The following TNIK variants were observed in gnomAD, a reference collection of about 807,000 sequenced individuals.
TNIK encodes TRAF2 and NCK interacting kinase, also known as TRAF2 and NCK-interacting protein kinase.
A neutral mutation model predicts 191.3 loss-of-function variants in TNIK; 49 were observed. The observed-to-expected ratio is 0.26, with a 90% CI of 0.20 to 0.32. TNIK has a LOEUF of 0.32. Ranked by LOEUF, TNIK falls within the 10% of genes least tolerant of loss-of-function variation. TNIK has a pLI of 1.00. For synonymous variants in TNIK, 594 were observed against 600.9 expected, an observed-to-expected ratio of 0.99 and a Z score of 0.17; for missense variants, 1,155 against 1,702.3, an observed-to-expected ratio of 0.68 and a Z score of 5.66.
chr3:171,312,785 C>T (rs764999157), intron 2 of TNIK, among the ~76,000 whole-genome samples: 2 of 152,120 alleles, frequency 1.3e-5, no homozygotes, highest in Admixed American at 1.3e-4. Context: ...CTGTGTGTCT[C>T]TGACAATATT....
chr3:171,068,749 AGT>A lies in TNIK; in HGVS notation c.3699+97_3699+98del, dbSNP rs748578790. 7.6e-4 allele frequency: 923 copies of A among 1,221,150 alleles called. 2 individuals are homozygous for A. The highest frequency in any genetic ancestry group is 8.9e-4 in the Non-Finnish European group (829 of 930,692). 75.6% of individuals were successfully genotyped at this position (1,221,150 alleles called of 1,614,324 possible). On this transcript the variant is annotated intron_variant, in intron 30 of 32. Coordinates refer to ENST00000436636, the MANE Select transcript of TNIK (RefSeq NM_015028.4). ...CGAAAGTCCATTTGCTGGTTAGTAAAGTGTGCATGACTTCTACTAAAACTATG... is the reference window on the plus strand; with the variant it reads ...CGAAAGTCCATTTGCTGGTTAGTAAAGTGCATGACTTCTACTAAAACTATG...
At chr3:171,091,822 G>T (rs1022181330) in intron 23 of TNIK, among the ~76,000 whole-genome samples, 6 of 152,090 alleles carry the variant, frequency 3.9e-5, no homozygotes, top group African/African-American at 1.2e-4. Flanking sequence ...AACTAATACA[G>T]TTTGTTATTT....
Position 171,107,213 on chromosome 3 carries a change from TGA to T in TNIK, c.2383-9_2383-8del, listed in dbSNP as rs1725038634. On this transcript the variant is annotated splice_polypyrimidine_tract_variant and splice_region_variant and intron_variant, in intron 20 of 32. Coordinates refer to ENST00000436636, the MANE Select transcript of TNIK (RefSeq NM_015028.4). ...CTATAGCTTTTTTGTAGCTCTGAAATGAGAGGAACCCAATCCAGAAGAATCCA... is the reference window on the plus strand; with the variant it reads ...CTATAGCTTTTTTGTAGCTCTGAAATGAGGAACCCAATCCAGAAGAATCCA... 2 of 1,611,354 alleles carry T rather than the reference TGA, an allele frequency of 1.2e-6. No individual in the cohort carries two copies. Among genetic ancestry groups the T allele is most frequent in the Non-Finnish European group, 1.7e-6 (2 of 1,179,018 alleles).
Position 171,060,478 on chromosome 3 carries a change from C to G in TNIK, c.*3403G>C, listed in dbSNP as rs1172409674. On this transcript the variant is annotated 3_prime_UTR_variant, in exon 33 of 33. Coordinates refer to ENST00000436636, the MANE Select transcript of TNIK (RefSeq NM_015028.4). Reference sequence around the variant, plus strand: ...GTCAAAGTGTTAGAAAAATGGAGCCCCTGTCCAGGTGACCTTGTGAGATTT... The same window carrying G: ...GTCAAAGTGTTAGAAAAATGGAGCCGCTGTCCAGGTGACCTTGTGAGATTT... 6.6e-6 allele frequency among the ~76,000 whole-genome samples: 1 copy of G among 152,092 alleles called. No individual in the cohort carries two copies. Among genetic ancestry groups the G allele is most frequent in the African/African-American group, 2.4e-5 (1 of 41,424 alleles).
chr3:171,104,432 T>A (rs1300855545), intron 21 of TNIK, among the ~76,000 whole-genome samples: 2 of 147,536 alleles, frequency 1.4e-5, no homozygotes, highest in Non-Finnish European at 3.1e-5. Flanking sequence ...AAAAACAAAA[T>A]AAGTGCTATT....
intron 15 of TNIK, among the ~76,000 whole-genome samples, chr3:171,137,735 T>C (rs967096314): frequency 6.6e-6 from 1 of 152,186 alleles, no homozygotes; most frequent in East Asian, 1.9e-4. Context: ...CTGCTGGTAG[T>C]ATCACAGTGA....
chr3:171,128,968 A>C (rs1728883187), intron 15 of TNIK, 90 bp from the exon 16 acceptor site: 1 of 1,438,906 alleles, frequency 6.9e-7, no homozygotes. Flanking sequence ...AGTCACCTGC[A>C]CAGCCATTTG....
intron 2 of TNIK, among the ~76,000 whole-genome samples, chr3:171,316,248 G>A (rs553775528): frequency 3.9e-5 from 6 of 152,160 alleles, no homozygotes; most frequent in South Asian, 2.1e-4. Context: ...AGAAATAATC[G>A]TTGAATGAAT....
intron 2 of TNIK, among the ~76,000 whole-genome samples, chr3:171,357,849 C>G (rs1714356125): frequency 6.6e-6 from 1 of 152,162 alleles, no homozygotes; most frequent in Admixed American, 6.5e-5. Flanking sequence ...CCGCAATGTG[C>G]TACCATAGAT....
intron 2 of TNIK, among the ~76,000 whole-genome samples, chr3:171,288,439 T>G (rs1371567364): frequency 2.0e-5 from 3 of 152,092 alleles, no homozygotes; most frequent in Admixed American, 1.3e-4. Context: ...TACATTGGTG[T>G]TGTACTATCC....
At chr3:171,200,703 TGTG>T (rs1039771544) in intron 4 of TNIK, among the ~76,000 whole-genome samples, 10 of 152,328 alleles carry the variant, frequency 6.6e-5, no homozygotes, top group Admixed American at 5.2e-4. Flanking sequence ...AATCACCAGA[TGTG>T]GTGGCTTCTA....
Position 171,138,849 on chromosome 3 carries a change from A to G in TNIK, c.1420-470T>C, listed in dbSNP as rs73039337. Reference sequence around the variant, plus strand: ...AATAAAACTTGGACCTACAAAGGCCATTAGCAAGCTTATGTACAGGCTAAA... The same window carrying G: ...AATAAAACTTGGACCTACAAAGGCCGTTAGCAAGCTTATGTACAGGCTAAA... On this transcript the variant is annotated intron_variant, in intron 14 of 32. Coordinates refer to ENST00000436636, the MANE Select transcript of TNIK (RefSeq NM_015028.4). Among the ~76,000 whole-genome samples, 1,244 of 152,340 alleles carry G rather than the reference A, an allele frequency of 8.2e-3. 26 individuals carry two copies. Among genetic ancestry groups the G allele is most frequent in the African/African-American group, 0.029 (1,188 of 41,580 alleles).
At chr3:171,208,348 T>G (rs1014829387) in intron 4 of TNIK, among the ~76,000 whole-genome samples, 1 of 150,456 alleles carries the variant, frequency 6.6e-6, no homozygotes, top group Admixed American at 6.6e-5. Flanking sequence ...AGAGAAAGAT[T>G]AGAGAAAAAA....
intron 2 of TNIK, among the ~76,000 whole-genome samples, chr3:171,251,050 G>A (rs1373817809): frequency 6.6e-6 from 1 of 152,172 alleles, no homozygotes; most frequent in Admixed American, 6.5e-5. Context: ...AACAGCAGAA[G>A]GAAAACCAGA....
At chr3:171,449,167 G>A (rs535499266) in intron 1 of TNIK, among the ~76,000 whole-genome samples, 65 of 152,024 alleles carry the variant, frequency 4.3e-4, no homozygotes, top group African/African-American at 1.4e-3. Context: ...GGGCATTTGG[G>A]TTGGTTCCAA....
chr3:171,083,978 C>T (rs886876603), intron 26 of TNIK, among the ~76,000 whole-genome samples, 177 bp downstream of exon 26: 3 of 152,144 alleles, frequency 2.0e-5, no homozygotes, highest in Non-Finnish European at 2.9e-5. Flanking sequence ...GCTATTTCTA[C>T]ATATAAAACT....
chr3:171,137,503 G>A (rs567175832), intron 15 of TNIK, among the ~76,000 whole-genome samples: 3 of 152,232 alleles, frequency 2.0e-5, no homozygotes, highest in African/African-American at 7.2e-5. Context: ...GATTTGGTTG[G>A]GGTTATTTTG....
intron 21 of TNIK, among the ~76,000 whole-genome samples, chr3:171,106,068 T>C (rs1724813504): frequency 6.6e-6 from 1 of 152,154 alleles, no homozygotes; most frequent in Admixed American, 6.5e-5. Flanking sequence ...CATAACTGTC[T>C]CGTCACTCTG....
intron 11 of TNIK, among the ~76,000 whole-genome samples, chr3:171,158,606 T>G (rs1733541868): frequency 6.6e-6 from 1 of 152,226 alleles, no homozygotes; most frequent in Admixed American, 6.5e-5. Flanking sequence ...ATTAAACACA[T>G]ATTTACGGAG....
Sources: allele counts gnomAD v4.1 joint callset (sites outside exome capture counted in the v4.1 genomes callset), GRCh38; gene constraint gnomAD v4.1.1; transcripts MANE v1.5; gene names NCBI Gene and HGNC (gene_info 2026-07-23, HGNC 2026-07-21).